ERC2: variants seen among roughly 807,000 people sequenced by gnomAD.
The protein encoded by ERC2 is ERC protein 2.
A neutral mutation model predicts 114.8 loss-of-function variants in ERC2; 42 were observed. The ratio of observed to expected loss-of-function variants is 0.37; its 90% confidence interval spans 0.29 to 0.47. ERC2 has a LOEUF of 0.47. Ranked by LOEUF, ERC2 falls within the 20% of genes least tolerant of loss-of-function variation. ERC2 has a pLI of 0.99. For missense variants in ERC2, 939 were observed against 1,150.7 expected (o/e 0.82, Z 2.66); for synonymous variants, 454 against 425.5 (o/e 1.07, Z -0.82).
intron 14 of ERC2, among the ~76,000 whole-genome samples, chr3:55,859,640 G>A (rs62255831): frequency 0.1 from 15,405 of 151,220 alleles, 926 homozygotes; most frequent in South Asian, 0.16. Flanking sequence ...CTTCAAGAAG[G>A]TCACCAAAGG....
chr3:56,381,210 G>T (rs999598897), intron 2 of ERC2, among the ~76,000 whole-genome samples: 1 of 152,092 alleles, frequency 6.6e-6, no homozygotes, highest in East Asian at 1.9e-4. Context: ...TAACTTCATT[G>T]TCAATATTTT....
intron 17 of ERC2, among the ~76,000 whole-genome samples, chr3:55,675,903 C>CTTTTTT (rs869296098): frequency 0.025 from 1,198 of 47,662 alleles, 167 homozygotes; most frequent in Non-Finnish European, 0.029. Flanking sequence ...TCTTTTCTTT[C>CTTTTTT]TTTTTTTTTT....
At chr3:56,409,860 C>T (rs1182274425) in intron 2 of ERC2, among the ~76,000 whole-genome samples, 1 of 152,200 alleles carries the variant, frequency 6.6e-6, no homozygotes, top group African/African-American at 2.4e-5. Flanking sequence ...ACTCTGTGCT[C>T]TGTGCTGTGG....
chr3:55,550,072 T>G (rs1234043129), intron 17 of ERC2, among the ~76,000 whole-genome samples: 1 of 152,192 alleles, frequency 6.6e-6, no homozygotes, highest in East Asian at 1.9e-4. Flanking sequence ...TGGTCTAGCC[T>G]GGTCCTGTGC....
At chr3:56,080,273 G>A (rs1197819498) in intron 7 of ERC2, among the ~76,000 whole-genome samples, 2 of 152,138 alleles carry the variant, frequency 1.3e-5, no homozygotes, top group African/African-American at 2.4e-5. Flanking sequence ...CTAAAGGAAG[G>A]AAGGAAGAGC....
intron 14 of ERC2, among the ~76,000 whole-genome samples, chr3:55,753,220 A>G (rs1030819470): frequency 7.2e-5 from 11 of 152,186 alleles, no homozygotes; most frequent in African/African-American, 2.7e-4. Context: ...AACCTTCAAC[A>G]TACTTCCCCC....
chr3:56,395,407 C>T (rs1377208775), intron 2 of ERC2, among the ~76,000 whole-genome samples: 1 of 152,072 alleles, frequency 6.6e-6, no homozygotes, highest in Non-Finnish European at 1.5e-5. Context: ...TGAATTTGGT[C>T]TTCGATTGTA....
At chr3:55,738,474 C>G (rs753860119) in intron 14 of ERC2, among the ~76,000 whole-genome samples, 5 of 152,146 alleles carry the variant, frequency 3.3e-5, no homozygotes, top group Non-Finnish European at 7.3e-5. Flanking sequence ...GGTTCAAAAT[C>G]TTAGCAGGTA....
intron 1 of ERC2, among the ~76,000 whole-genome samples, chr3:56,440,857 A>G (rs1015890168): frequency 9.2e-5 from 14 of 152,336 alleles, no homozygotes; most frequent in Non-Finnish European, 1.6e-4. Context: ...GATGCCACAA[A>G]GTATTTTTAT....
chr3:56,027,954 T>G (rs889099217), intron 7 of ERC2, among the ~76,000 whole-genome samples: 7 of 152,188 alleles, frequency 4.6e-5, no homozygotes, highest in African/African-American at 1.7e-4. Context: ...ATGATCTACT[T>G]TTTGTTATTT....
Position 55,920,918 on chromosome 3 carries a change from T to A in ERC2, c.2403+29507A>T, listed in dbSNP as rs368995013. On this transcript the variant is annotated intron_variant, in intron 13 of 17. Transcript: ENST00000288221. ...GAACAGAGGGGCAGAGTGAGTGACA[T>A]GCCCAAGGTCACACAGCTAGAAAGT... 7.2e-5 allele frequency among the ~76,000 whole-genome samples: 11 copies of A among 152,208 alleles called. No individual in the cohort carries two copies. The South Asian group carries it at 1.0e-3, about 14-fold the overall frequency.
chr3:56,421,505 G>T (rs1248905773), intron 2 of ERC2, among the ~76,000 whole-genome samples: 2 of 152,178 alleles, frequency 1.3e-5, no homozygotes, highest in African/African-American at 4.8e-5. Flanking sequence ...TTGGATTATT[G>T]GTTCTCTGAA....
In ERC2 at chr3:55,888,533, T is replaced by G. The variant is rs61745935; in HGVS notation, c.2420A>C (p.Asn807Thr). The change falls in exon 14 of 18, where the codon AAT becomes ACT. Residue 807 changes from asparagine (N) to threonine (T), a missense_variant. Physicochemically the swap from Asn to Thr is moderately conservative, Grantham distance 65. Coordinates refer to ENST00000288221, the MANE Select transcript of ERC2 (RefSeq NM_015576.3). ...TTCCTGTCTGGTCTTCTCCAGTGCA[T>G]TCATCAGTTCCTCTATCTGAAAGGC... is the stretch of plus-strand genomic sequence containing the variant. ...SQHLQIEELM[N>T]ALEKTRQELD... 1.6e-3 allele frequency: 2,634 copies of G among 1,613,844 alleles called. 4 individuals carry two copies. Among genetic ancestry groups the G allele is most frequent in the Non-Finnish European group, 2.1e-3 (2,459 of 1,179,804 alleles).
intron 15 of ERC2, among the ~76,000 whole-genome samples, chr3:55,723,347 T>C (rs1385940901): frequency 6.6e-6 from 1 of 152,252 alleles, no homozygotes; most frequent in Non-Finnish European, 1.5e-5. Context: ...TTGAAGTTTC[T>C]ATTATGAGCA....
chr3:55,900,184 T>C lies in ERC2; in HGVS notation c.2404-11635A>G, dbSNP rs187993169. 7.3e-4 allele frequency among the ~76,000 whole-genome samples: 111 copies of C among 152,352 alleles called. 1 individual carries two copies. The highest frequency in any genetic ancestry group is 1.3e-3 in the Admixed American group (20 of 15,304). On this transcript the variant is annotated intron_variant, in intron 13 of 17. Transcript: ENST00000288221. ...ACAGTAATTCCTGCCGCCTCCACCCTGCCCCACAATGCACTTTACTCATTT... is the reference window on the plus strand; with the variant it reads ...ACAGTAATTCCTGCCGCCTCCACCCCGCCCCACAATGCACTTTACTCATTT...
intron 2 of ERC2, among the ~76,000 whole-genome samples, chr3:56,328,453 G>A (rs771440591): frequency 5.9e-5 from 9 of 152,264 alleles, no homozygotes; most frequent in Non-Finnish European, 1.0e-4. Context: ...ATATGTGTGA[G>A]TACTAAACAA....
chr3:55,835,642 T>C (rs1212214309), intron 14 of ERC2, among the ~76,000 whole-genome samples: 1 of 152,128 alleles, frequency 6.6e-6, no homozygotes, highest in African/African-American at 2.4e-5. Context: ...ACACAGCCAA[T>C]ATCATACTGA....
chr3:55,613,962 G>A (rs533464496), intron 17 of ERC2, among the ~76,000 whole-genome samples: 1 of 124,526 alleles, frequency 8.0e-6, no homozygotes, highest in East Asian at 2.3e-4. Flanking sequence ...CAGCCTGGGA[G>A]ACAGAGTGAG....
At chr3:55,757,592 A>AATT (rs1285023854) in intron 14 of ERC2, among the ~76,000 whole-genome samples, 1 of 152,148 alleles carries the variant, frequency 6.6e-6, no homozygotes, top group Admixed American at 6.5e-5. Context: ...TTCTAATAAT[A>AATT]ATTATTTCAC....
Sources: allele counts gnomAD v4.1 joint callset (sites outside exome capture counted in the v4.1 genomes callset), GRCh38; gene constraint gnomAD v4.1.1; transcripts MANE v1.5; gene names NCBI Gene and HGNC (gene_info 2026-07-23, HGNC 2026-07-21).